GULP1: variants seen among roughly 807,000 people sequenced by gnomAD.
GULP1 encodes the protein GULP PTB domain containing engulfment adaptor 1, also known as PTB domain-containing engulfment adapter protein 1.
GULP1 carries 19 observed loss-of-function variants against 40.9 expected under a neutral mutation model. The ratio of observed to expected loss-of-function variants is 0.46; its 90% CI spans 0.32 to 0.68. The LOEUF (loss-of-function observed/expected upper bound fraction) is 0.68, where lower values mean the gene tolerates loss of function less well. Among genes scored for constraint, GULP1 ranks in the 30% least tolerant of loss-of-function variants. The pLI, the probability that GULP1 is intolerant of heterozygous loss-of-function variation, is 0.03. For synonymous variants in GULP1, 119 were observed against 117.6 expected, an observed-to-expected ratio of 1.01 and a Z score of -0.08; for missense variants, 312 against 362.2, an observed-to-expected ratio of 0.86 and a Z score of 1.12.
chr2:188,543,410 A>G (rs1691044825), intron 7 of GULP1, among the ~76,000 whole-genome samples: 2 of 152,086 alleles, frequency 1.3e-5, no homozygotes, highest in Non-Finnish European at 2.9e-5. Context: ...CCTCCCAACT[A>G]TAAGTTGGCA....
At chr2:188,460,504 T>G (rs994923487) in intron 2 of GULP1, among the ~76,000 whole-genome samples, 1 of 152,174 alleles carries the variant, frequency 6.6e-6, no homozygotes, top group African/African-American at 2.4e-5. Flanking sequence ...GTTCTACAAT[T>G]TTACTGAATT....
At chr2:188,506,419 A>G (rs1408692507) in intron 4 of GULP1, among the ~76,000 whole-genome samples, 1 of 151,982 alleles carries the variant, frequency 6.6e-6, no homozygotes, top group Admixed American at 6.6e-5. Flanking sequence ...ATTATGTAGT[A>G]TGGAGCAATT....
At chr2:188,436,447 A>G (rs981660554) in intron 2 of GULP1, among the ~76,000 whole-genome samples, 1 of 152,042 alleles carries the variant, frequency 6.6e-6, no homozygotes, top group Non-Finnish European at 1.5e-5. Flanking sequence ...CATCATTTTG[A>G]TTTAAAATTA....
intron 2 of GULP1, among the ~76,000 whole-genome samples, chr2:188,414,866 C>A (rs1449886331): frequency 6.6e-6 from 1 of 152,090 alleles, no homozygotes; most frequent in Non-Finnish European, 1.5e-5. Flanking sequence ...TATAATTAAT[C>A]TGCCTGGCTA....
chr2:188,388,491 C>G (rs1042208336), intron 2 of GULP1, among the ~76,000 whole-genome samples: 1 of 151,724 alleles, frequency 6.6e-6, no homozygotes, highest in Admixed American at 6.6e-5. Flanking sequence ...CACAGTGAGA[C>G]GTGATCACAC....
intron 2 of GULP1, among the ~76,000 whole-genome samples, chr2:188,433,378 C>T (rs1220088014): frequency 1.3e-5 from 2 of 152,086 alleles, no homozygotes; most frequent in Non-Finnish European, 2.9e-5. Flanking sequence ...ATGCAACGGA[C>T]AGTCCGGTTT....
At chr2:188,326,755 C>T (rs921803220) in intron 1 of GULP1, among the ~76,000 whole-genome samples, 2 of 152,076 alleles carry the variant, frequency 1.3e-5, no homozygotes, top group Non-Finnish European at 2.9e-5. Flanking sequence ...CCATTATTGG[C>T]TTTAGCTTCC....
chr2:188,588,356 C>G (rs926305511), intron 11 of GULP1: 1 of 180,910 alleles, frequency 5.5e-6, no homozygotes, highest in Admixed American at 5.6e-5. Flanking sequence ...TGAAATTATT[C>G]TCTCTGAAAA....
At chr2:188,437,059 C>T (rs1244164749) in intron 2 of GULP1, among the ~76,000 whole-genome samples, 1 of 152,016 alleles carries the variant, frequency 6.6e-6, no homozygotes, top group East Asian at 1.9e-4. Flanking sequence ...GACAACTTTT[C>T]TAATATGTCC....
At chr2:188,317,576 A>G (rs555921654) in intron 1 of GULP1, among the ~76,000 whole-genome samples, 1 of 152,134 alleles carries the variant, frequency 6.6e-6, no homozygotes, top group South Asian at 2.1e-4. Context: ...TCAAATGTTT[A>G]TGTATTGAAA....
At chr2:188,340,716 C>G (rs2042851122) in intron 1 of GULP1, among the ~76,000 whole-genome samples, 2 of 152,126 alleles carry the variant, frequency 1.3e-5, no homozygotes, top group Non-Finnish European at 2.9e-5. Flanking sequence ...CACCCGAGCT[C>G]TTTTTCGGCA....
intron 11 of GULP1, chr2:188,591,708 AATAT>A (rs1365565637): frequency 6.6e-6 from 1 of 151,672 alleles, no homozygotes; most frequent in African/African-American, 2.4e-5. Context: ...ATATGGCATA[AATAT>A]ATATTCATAT....
At chr2:188,434,314 A>G (rs2057198281) in intron 2 of GULP1, among the ~76,000 whole-genome samples, 1 of 151,458 alleles carries the variant, frequency 6.6e-6, no homozygotes, top group Non-Finnish European at 1.5e-5. Context: ...CTACATTCCC[A>G]AAGTTTCTTT....
At chr2:188,467,984 A>G (rs908817725) in intron 2 of GULP1, among the ~76,000 whole-genome samples, 3 of 152,168 alleles carry the variant, frequency 2.0e-5, no homozygotes, top group African/African-American at 7.2e-5. Context: ...AAATGTCTCT[A>G]TTTCCTTACT....
intron 1 of GULP1, among the ~76,000 whole-genome samples, chr2:188,352,861 A>G (rs1305679023): frequency 1.3e-5 from 2 of 152,152 alleles, no homozygotes; most frequent in Non-Finnish European, 2.9e-5. Context: ...AAATGATGCA[A>G]AGTAGAGGTA....
intron 1 of GULP1, among the ~76,000 whole-genome samples, chr2:188,320,027 C>G (rs1240860421): frequency 1.3e-5 from 2 of 152,078 alleles, no homozygotes; most frequent in Non-Finnish European, 2.9e-5. Flanking sequence ...TCCCTGGCCT[C>G]TACCCACTAG....
chr2:188,512,932 T>G (rs1360963571), intron 4 of GULP1, among the ~76,000 whole-genome samples: 3 of 152,152 alleles, frequency 2.0e-5, no homozygotes, highest in Non-Finnish European at 2.9e-5. Context: ...TTACTAGCAT[T>G]TTAAGAGTCA....
At chr2:188,308,113 ATT>A (rs71399274) in intron 1 of GULP1, among the ~76,000 whole-genome samples, 3 of 50,630 alleles carry the variant, frequency 5.9e-5, no homozygotes, top group South Asian at 9.2e-4. Flanking sequence ...CTTTTAGGTC[ATT>A]TTTTTTTTTC....
At chr2:188,454,079 A>T (rs904231201) in intron 2 of GULP1, among the ~76,000 whole-genome samples, 2 of 152,150 alleles carry the variant, frequency 1.3e-5, no homozygotes, top group Non-Finnish European at 2.9e-5. Context: ...CTGCCGCTGG[A>T]GGTACCCTGC....
Sources: allele counts gnomAD v4.1 joint callset (sites outside exome capture counted in the v4.1 genomes callset), GRCh38; gene constraint gnomAD v4.1.1; transcripts MANE v1.5; gene names NCBI Gene and HGNC (gene_info 2026-07-23, HGNC 2026-07-21).